Variants in COQ8B observed in about 807,000 individuals in gnomAD.
COQ8B encodes atypical kinase COQ8B, mitochondrial.
Under a neutral mutation model 62.0 loss-of-function variants are expected in COQ8B, and 44 were observed. The observed-to-expected ratio is 0.71, with a 90% CI of 0.56 to 0.91. The LOEUF (loss-of-function observed/expected upper bound fraction) is 0.91. Ranked by LOEUF, COQ8B falls within the 40% of genes least tolerant of loss-of-function variation. COQ8B has a pLI of 0.00. For missense variants in COQ8B, 649 were observed against 731.6 expected (o/e 0.89, Z 1.30); for synonymous variants, 252 against 289.9 (o/e 0.87, Z 1.33).
At chr19:40,692,445 A>G (rs934123232) in intron 14 of COQ8B, 72 bp from the exon 15 acceptor site, 21 of 1,364,806 alleles carry the variant, frequency 1.5e-5, no homozygotes, top group East Asian at 2.5e-5. Flanking sequence ...ACCCAGAAAC[A>G]ACGTGTAGCC....
At chr19:40,706,076 A>T (rs2082098930) in intron 5 of COQ8B, among the ~76,000 whole-genome samples, 1 of 152,222 alleles carries the variant, frequency 6.6e-6, no homozygotes, top group African/African-American at 2.4e-5. Context: ...CAAAAATGTA[A>T]TGCTGAGTGA....
intron 9 of COQ8B, chr19:40,703,324 C>T (rs954101057): frequency 2.5e-5 from 13 of 530,244 alleles, no homozygotes; most frequent in Non-Finnish European, 4.0e-5. Flanking sequence ...CCTGGGCTCC[C>T]GTCTCTCTAA....
intron 13 of COQ8B, among the ~76,000 whole-genome samples, chr19:40,695,647 C>A (rs1312655881): frequency 6.6e-6 from 1 of 152,120 alleles, no homozygotes; most frequent in Non-Finnish European, 1.5e-5. Flanking sequence ...GAAGCTTGGG[C>A]TCTGGACCTG....
Position 40,703,875 on chromosome 19 carries a change from CCAT to C in COQ8B, c.577-23_577-21del, listed in dbSNP as rs1409471750. On this transcript the variant is annotated intron_variant, in intron 7 of 14. Transcript: ENST00000324464. ...AACTCTCTGCGGGGAGTGGTCACAG[CCAT>C]CATCATTGTGGCAGAGTTCATTCCC... is the stretch of plus-strand genomic sequence containing the variant. 6.3e-7 allele frequency: 1 copy of C among 1,593,106 alleles called. No homozygotes were observed. The highest frequency in any genetic ancestry group is 1.3e-5 in the African/African-American group (1 of 74,624).
intron 13 of COQ8B, 38 bp from the exon 14 acceptor site, chr19:40,693,075 G>A: frequency 6.4e-7 from 1 of 1,555,758 alleles, no homozygotes; most frequent in Non-Finnish European, 8.8e-7. Context: ...ACAAAGGCCG[G>A]GGCTCAAGGG....
At position 40,697,875 on chromosome 19, in the gene COQ8B, G is replaced by GAGAGAGAGAGAC. The variant is rs58313890; in HGVS notation, c.1144-1822_1144-1821insGTCTCTCTCTCT. ...ATAGAGAGAGAGAGAGAGAGAGAGA[G>GAGAGAGAGAGAC]AGTTTCTACTGGGCGTTCATGCAAA... On this transcript the variant is annotated intron_variant, in intron 12 of 14. Coordinates refer to ENST00000324464, the MANE Select transcript of COQ8B (RefSeq NM_024876.4). Among the ~76,000 whole-genome samples the GAGAGAGAGAGAC allele has an allele frequency of 7.3e-4, 76 of 103,446 alleles. 1 individual carries two copies. The highest frequency in any genetic ancestry group is 1.6e-3 in the African/African-American group (38 of 23,650). The allele number at this position is 103,446 out of a possible 152,430, so 67.9% of individuals were successfully genotyped here. A position where few individuals can be genotyped will look rare whatever the true frequency, so the allele number is the denominator to read the frequency against.
At chr19:40,702,474 A>AATG in intron 10 of COQ8B, 126 bp downstream of exon 10, 1 of 890,736 alleles carries the variant, frequency 1.1e-6, no homozygotes, top group South Asian at 1.4e-5. Context: ...ATGGATGAAC[A>AATG]ATGATTGAAA....
Position 40,710,093 on chromosome 19 carries a change from A to T in COQ8B, c.333T>A (p.Ala111=). 1 of 1,613,966 alleles carries T rather than the reference A, an allele frequency of 6.2e-7. No individual in the cohort carries two copies. Among genetic ancestry groups the T allele is most frequent in the Non-Finnish European group, 8.5e-7 (1 of 1,179,902 alleles). The stretch of plus-strand genomic sequence containing the variant: ...GACGACCTCCTGGCATGGACTTCTT[A>T]GCCATCTCGGCCAGTACTCCTAGCC... ...GLGLGVLAEM[A]KKSMPGGRLQ... is the part of the protein sequence containing the mutation. Residue 111 remains alanine, a synonymous_variant, in exon 5 of 15, where the codon GCT becomes GCA. Transcript: ENST00000324464.
intron 7 of COQ8B, chr19:40,704,304 C>T (rs2082084179): frequency 6.3e-6 from 1 of 158,198 alleles, no homozygotes; most frequent in African/African-American, 2.4e-5. Flanking sequence ...CCACTGTGCC[C>T]AGCTAATTAT....
At chr19:40,694,810 G>A (rs1019212485) in intron 13 of COQ8B, among the ~76,000 whole-genome samples, 21 of 152,106 alleles carry the variant, frequency 1.4e-4, no homozygotes, top group African/African-American at 3.9e-4. Context: ...TCCCTCCTCC[G>A]GGAAGCCCTC....
In COQ8B at chr19:40,704,901, G is replaced by C. The variant is rs2082088499; in HGVS notation, c.576+195C>G. ...TCCCAGGGAAGGGAACTGAAGCACA[G>C]AGAGGTCAGGCTGCTGTTCCCTGTT... is the stretch of plus-strand genomic sequence containing the variant. On this transcript the variant is annotated intron_variant, in intron 7 of 14. Coordinates refer to ENST00000324464, the MANE Select transcript of COQ8B (RefSeq NM_024876.4). The C allele has an allele frequency of 8.9e-6, 5 of 560,180 alleles. No individual in the cohort carries two copies. The South Asian group carries it at 1.2e-4, about 13-fold the overall frequency. The allele number at this position is 560,180 out of a possible 1,614,324, so 34.7% of individuals were successfully genotyped here.
chr19:40,699,323 A>G (rs2082043252), intron 12 of COQ8B, among the ~76,000 whole-genome samples: 1 of 152,008 alleles, frequency 6.6e-6, no homozygotes, highest in Non-Finnish European at 1.5e-5. Context: ...ACAGTGAGTC[A>G]GGCACTTTCC....
Position 40,693,048 on chromosome 19 carries a change from G to A in COQ8B, c.1210-11C>T, listed in dbSNP as rs375418160. ...TGCAGCCTTCACCACCTGGGGAGAC[G>A]GGTGGGAGTTAGAGGGACAAAGGCC... On this transcript the variant is annotated splice_polypyrimidine_tract_variant and intron_variant, in intron 13 of 14. Transcript: ENST00000324464. 1.4e-5 allele frequency: 22 copies of A among 1,612,048 alleles called. No homozygotes were observed. The highest frequency in any genetic ancestry group is 6.7e-5 in the East Asian group (3 of 44,822).
At chr19:40,714,927 G>C in intron 1 of COQ8B, 2 of 1,174,036 alleles carry the variant, frequency 1.7e-6, no homozygotes, top group Non-Finnish European at 2.1e-6. Flanking sequence ...CCACTTCTCT[G>C]AAACCCCCCT....
In COQ8B at chr19:40,715,845, C is replaced by CTCTG. The variant is rs140109133; in HGVS notation, c.-4+741_-4+742insCAGA. On this transcript the variant is annotated intron_variant, in intron 1 of 14. Transcript: ENST00000324464. ...CACCTCCCATCCTATCTTTCTTTCTCTGTGTGTGTGTGTGTGTGTGTGTGT... is the reference window on the plus strand; with the variant it reads ...CACCTCCCATCCTATCTTTCTTTCTCTCTGTGTGTGTGTGTGTGTGTGTGTGTGT... 1,304 of 149,406 alleles carry CTCTG rather than the reference C, an allele frequency of 8.7e-3. 9 individuals are homozygous for CTCTG. The highest frequency in any genetic ancestry group is 0.011 in the Non-Finnish European group (761 of 67,666). 9.3% of individuals were successfully genotyped at this position (149,406 alleles called of 1,614,324 possible). A position where few individuals can be genotyped will look rare whatever the true frequency, so the allele number is the denominator to read the frequency against.
chr19:40,714,426 G>A, intron 2 of COQ8B, 29 bp from the exon 3 acceptor site: 5 of 1,612,552 alleles, frequency 3.1e-6, no homozygotes, highest in Non-Finnish European at 4.2e-6. Context: ...GATAAGGAGG[G>A]GAGGACATGG....
chr19:40,709,992 TGA>T, intron 5 of COQ8B, 65 bp downstream of exon 5: 1 of 1,534,526 alleles, frequency 6.5e-7, no homozygotes, highest in Admixed American at 1.7e-5. Context: ...CTCAGAGGGG[TGA>T]AGTCACTTGC....
Position 40,715,375 on chromosome 19 carries a change from CAA to C in COQ8B, c.-3-742_-3-741del, listed in dbSNP as rs1321349980. 3.0e-6 allele frequency: 3 copies of C among 985,662 alleles called. No individual in the cohort carries two copies. In the East Asian group the frequency reaches 3.4e-4, roughly 112 times the overall value. The allele number at this position is 985,662 out of a possible 1,614,324, so 61.1% of individuals were successfully genotyped here. ...CCCTTCTGTTCCCTACACTTTCTTG[CAA>C]AGTCTCCCTTACAAACCTGACGCCT... On this transcript the variant is annotated intron_variant, in intron 1 of 14. Coordinates refer to ENST00000324464, the MANE Select transcript of COQ8B (RefSeq NM_024876.4).
intron 1 of COQ8B, 34 bp from the exon 2 acceptor site, chr19:40,714,669 A>C: frequency 6.5e-7 from 1 of 1,536,966 alleles, no homozygotes; most frequent in Non-Finnish European, 8.8e-7. Context: ...TTCAGGTGGG[A>C]GTTGCCTGGC....
Sources: gnomAD v4.1 joint callset for allele counts (sites outside exome capture counted in the v4.1 genomes callset) on GRCh38, gnomAD v4.1.1 for gene constraint, MANE v1.5 for transcripts, NCBI Gene and HGNC (gene_info 2026-07-23, HGNC 2026-07-21) for gene names.